GPR160: variants seen among roughly 807,000 people sequenced by gnomAD.
GPR160 encodes probable G protein-coupled receptor 160.
GPR160 carries 2 observed loss-of-function variants against 2.6 expected under a neutral mutation model. That is an observed-to-expected ratio of 0.77 (90% CI 0.32 to 2.44). The LOEUF (loss-of-function observed/expected upper bound fraction) is 2.44, where lower values mean the gene tolerates loss of function less well. Among genes scored for constraint, GPR160 ranks in the 30% most tolerant of loss-of-function variants. The pLI is 0.11. For synonymous variants in GPR160, 130 were observed against 132.2 expected (o/e 0.98, Z 0.12); for missense variants, 351 against 383.6 (o/e 0.91, Z 0.71).
intron 2 of GPR160, chr3:170,062,272 C>T (rs1014586544): frequency 1.0e-5 from 2 of 200,270 alleles, no homozygotes; most frequent in Middle Eastern, 2.0e-3. Flanking sequence ...TCCCGTGCGG[C>T]GGAGGCAGCA....
rs747932437 is a variant in GPR160, at chr3:170,084,969, A to G, written c.997A>G (p.Ile333Val). The part of the protein sequence containing the change: ...IPNLEQIEKP[I>V]SIMIC ...TAATCTTGAGCAAATTGAAAAGCCT[A>G]TATCAATAATGATTTGTTAATATTA... The change falls in exon 4 of 4, where the codon ATA becomes GTA. Residue 333 changes from isoleucine (I) to valine (V), a missense_variant. Coordinates refer to ENST00000355897, the MANE Select transcript of GPR160 (RefSeq NM_014373.3). The G allele has an allele frequency of 6.7e-5, 102 of 1,525,422 alleles. No individual in the cohort carries two copies. The highest frequency in any genetic ancestry group is 3.1e-4 in the South Asian group (25 of 80,528). 94.5% of individuals were successfully genotyped at this position (1,525,422 alleles called of 1,614,324 possible). A position where few individuals can be genotyped will look rare whatever the true frequency, so the allele number is the denominator to read the frequency against.
chr3:170,059,030 A>AACACACAC (rs10542909), intron 2 of GPR160, among the ~76,000 whole-genome samples: 6 of 148,792 alleles, frequency 4.0e-5, no homozygotes, highest in East Asian at 2.0e-4. Flanking sequence ...CACATGCACA[A>AACACACAC]ACACACACAC....
At position 170,038,456 on chromosome 3, in the gene GPR160, G is replaced by A. The variant is rs1158708325; in HGVS notation, c.-322+241G>A. On this transcript the variant is annotated intron_variant, in intron 1 of 3. Coordinates refer to ENST00000355897, the MANE Select transcript of GPR160 (RefSeq NM_014373.3). This position sits in a 1 kb window ranked among gnomAD's most constrained non-coding sequence, Gnocchi z 5.3. The stretch of plus-strand genomic sequence containing the variant: ...GCTTCGGGATGGGGATTACCGCGGA[G>A]CCTTAGCAACTGGGGTCTGTCGTGG... 1 of 152,468 alleles carries A rather than the reference G, an allele frequency of 6.6e-6. No homozygotes were observed. The highest frequency in any genetic ancestry group is 1.9e-4 in the East Asian group (1 of 5,188). The allele number at this position is 152,468 out of a possible 1,614,324, so 9.4% of individuals were successfully genotyped here. A position where few individuals can be genotyped will look rare whatever the true frequency, so the allele number is the denominator to read the frequency against.
At chr3:170,039,490 C>T (rs1011196214) in intron 2 of GPR160, among the ~76,000 whole-genome samples, 1 of 152,188 alleles carries the variant, frequency 6.6e-6, no homozygotes, top group Non-Finnish European at 1.5e-5. Flanking sequence ...GGGTGGATCA[C>T]CTGAGGTCAG....
At chr3:170,053,004 A>G (rs1333620083) in intron 2 of GPR160, among the ~76,000 whole-genome samples, 1 of 152,102 alleles carries the variant, frequency 6.6e-6, no homozygotes, top group East Asian at 1.9e-4. Flanking sequence ...GTACTTTCTT[A>G]TAAATCAAGT....
chr3:170,058,414 G>T (rs1415591221), intron 2 of GPR160, among the ~76,000 whole-genome samples: 3 of 152,190 alleles, frequency 2.0e-5, no homozygotes, highest in Non-Finnish European at 4.4e-5. Flanking sequence ...CTTCTGGGGA[G>T]CCTGGGAAAC....
chr3:170,079,224 T>C (rs1383104374), intron 2 of GPR160, among the ~76,000 whole-genome samples: 2 of 152,246 alleles, frequency 1.3e-5, no homozygotes, highest in Non-Finnish European at 2.9e-5. Flanking sequence ...GCTGTTACAC[T>C]GCTTATCTGT....
At chr3:170,050,853 A>G (rs1000440857) in intron 2 of GPR160, among the ~76,000 whole-genome samples, 2 of 152,198 alleles carry the variant, frequency 1.3e-5, no homozygotes, top group Admixed American at 1.3e-4. Context: ...TCCACTCACC[A>G]GTTGATGAAC....
intron 2 of GPR160, among the ~76,000 whole-genome samples, chr3:170,053,695 T>G (rs557868589): frequency 2.0e-5 from 3 of 152,316 alleles, no homozygotes; most frequent in Non-Finnish European, 4.4e-5. Flanking sequence ...TGGTCAGTCT[T>G]TCACACTTAA....
intron 2 of GPR160, among the ~76,000 whole-genome samples, chr3:170,073,546 C>T (rs1016672507): frequency 6.6e-6 from 1 of 152,058 alleles, no homozygotes; most frequent in African/African-American, 2.4e-5. Flanking sequence ...TATAGTCTTT[C>T]TCCTTTATTC....
chr3:170,042,419 T>TCA (rs1716489691), intron 2 of GPR160, among the ~76,000 whole-genome samples: 1 of 58,178 alleles, frequency 1.7e-5, no homozygotes, highest in Non-Finnish European at 3.3e-5. Flanking sequence ...AGATACTGCC[T>TCA]CAAAAAAAAA....
intron 2 of GPR160, among the ~76,000 whole-genome samples, chr3:170,067,833 A>G (rs1271096085): frequency 6.6e-6 from 1 of 152,066 alleles, no homozygotes; most frequent in African/African-American, 2.4e-5. Flanking sequence ...TTTTCTCTTG[A>G]AGAACTGGAC....
chr3:170,077,968 C>A, intron 2 of GPR160: 1 of 154,684 alleles, frequency 6.5e-6, no homozygotes, highest in South Asian at 1.8e-4. Flanking sequence ...TTGGAGCCCT[C>A]TTGGGATTTC....
intron 2 of GPR160, among the ~76,000 whole-genome samples, chr3:170,075,881 A>T (rs1712825972): frequency 6.6e-6 from 1 of 152,000 alleles, no homozygotes; most frequent in African/African-American, 2.4e-5. Context: ...CGCCAGCCTT[A>T]TGTTTGGGTT....
At chr3:170,045,121 T>C (rs1315232020) in intron 2 of GPR160, among the ~76,000 whole-genome samples, 2 of 152,030 alleles carry the variant, frequency 1.3e-5, no homozygotes, top group African/African-American at 4.8e-5. Flanking sequence ...AAAGAGGAAA[T>C]GGCACAAAAG....
At chr3:170,080,051 C>T (rs1340046164) in intron 3 of GPR160, among the ~76,000 whole-genome samples, 154 bp downstream of exon 3, 1 of 152,188 alleles carries the variant, frequency 6.6e-6, no homozygotes, top group Non-Finnish European at 1.5e-5. Flanking sequence ...AAAGGACTTT[C>T]ATGTTAACTT....
intron 2 of GPR160, among the ~76,000 whole-genome samples, chr3:170,041,996 A>G: frequency 6.6e-6 from 1 of 152,246 alleles, no homozygotes; most frequent in East Asian, 1.9e-4. Flanking sequence ...GATTCACATT[A>G]TTAAGGGTAT....
chr3:170,038,492 A>AC lies in GPR160; in HGVS notation c.-322+277_-322+278insC, dbSNP rs1158329029. 1 of 152,184 alleles carries AC rather than the reference A, an allele frequency of 6.6e-6. No homozygotes were observed. Among genetic ancestry groups the AC allele is most frequent in the Admixed American group, 6.5e-5 (1 of 15,278 alleles). 9.4% of individuals were successfully genotyped at this position (152,184 alleles called of 1,614,324 possible). ...TGGGGTCTGTCGTGGGTTTGAGGGC[A>AC]GGGGGTCTGGGGAATGGGCGTGTCC... On this transcript the variant is annotated intron_variant, in intron 1 of 3. Transcript: ENST00000355897. This position sits in a 1 kb window ranked among gnomAD's most constrained non-coding sequence, Gnocchi z 5.3.
At position 170,084,741 on chromosome 3, in the gene GPR160, C is replaced by A; in HGVS notation, c.769C>A (p.Leu257Ile). 1 of 1,609,046 alleles carries A rather than the reference C, an allele frequency of 6.2e-7. No homozygotes were observed. Among genetic ancestry groups the A allele is most frequent in the Non-Finnish European group, 8.5e-7 (1 of 1,175,746 alleles). The change falls in exon 4 of 4, where the codon CTA (leucine) becomes ATA (isoleucine). Residue 257 changes from leucine to isoleucine, a missense_variant. Transcript: ENST00000355897. The stretch of plus-strand genomic sequence containing the variant: ...TCTCAGTACCTGGTTACCATTTGTA[C>A]TACTTCAGGTAATCATTGTTTTACT... ...CFLSTWLPFV[L>I]LQVIIVLLKV...
Sources: allele counts gnomAD v4.1 joint callset (sites outside exome capture counted in the v4.1 genomes callset), GRCh38; gene constraint gnomAD v4.1.1; non-coding constraint Gnocchi (gnomAD v3.1); transcripts MANE v1.5; gene names NCBI Gene and HGNC (gene_info 2026-07-23, HGNC 2026-07-21).